Variants in TMCO5A observed in about 807,000 individuals in gnomAD.
The protein encoded by TMCO5A is transmembrane and coiled-coil domains 5A, also known as transmembrane and coiled-coil domain-containing protein 5A.
Under a neutral mutation model 42.3 loss-of-function variants are expected in TMCO5A, and 34 were observed. The ratio of observed to expected loss-of-function variants is 0.80; its 90% CI spans 0.61 to 1.07. The LOEUF (loss-of-function observed/expected upper bound fraction) is 1.07, where lower values mean the gene tolerates loss of function less well. TMCO5A is among the 50% of genes least tolerant of loss of function. The probability of loss-of-function intolerance (pLI) is 0.00; values close to 1 mark genes in which losing one functional copy is unlikely to be tolerated. For missense variants in TMCO5A, 357 were observed against 327.9 expected (o/e 1.09, Z -0.69); for synonymous variants, 131 against 115.6 (o/e 1.13, Z -0.86).
At chr15:37,981,833 A>G in the TMCO5A span, among the ~76,000 whole-genome samples, 1 of 152,196 alleles carries the variant, frequency 6.6e-6, no homozygotes, top group Non-Finnish European at 1.5e-5. Flanking sequence ...CTCCTGATGA[A>G]TATTTACAGA....
the TMCO5A span, among the ~76,000 whole-genome samples, chr15:38,014,546 C>T: frequency 1.3e-5 from 2 of 152,110 alleles, no homozygotes; most frequent in Non-Finnish European, 2.9e-5. Context: ...ACCAATCTCT[C>T]TGTAGCTACT....
chr15:38,003,222 GTCTC>G, the TMCO5A span, among the ~76,000 whole-genome samples: 642 of 144,778 alleles, frequency 4.4e-3, no homozygotes, highest in Non-Finnish European at 4.5e-3. Flanking sequence ...CCCAAACAGA[GTCTC>G]TCTCTCTCTC....
chr15:38,038,550 C>T, the TMCO5A span, among the ~76,000 whole-genome samples: 2 of 151,978 alleles, frequency 1.3e-5, no homozygotes, highest in East Asian at 1.9e-4. Flanking sequence ...GGACTACAGG[C>T]ACCCACCACC....
intron 10 of TMCO5A, among the ~76,000 whole-genome samples, chr15:37,946,268 T>A (rs890877815): frequency 1.3e-5 from 2 of 152,194 alleles, no homozygotes; most frequent in African/African-American, 4.8e-5. Context: ...TACTGTAGCC[T>A]TGTAATATAG....
chr15:37,969,319 C>T (rs80094097), downstream of TMCO5A, among the ~76,000 whole-genome samples: 2,783 of 152,234 alleles, frequency 0.018, 86 homozygotes, highest in African/African-American at 0.064. Context: ...AAATGAGCAA[C>T]TTAGTATATC....
chr15:37,936,069 G>T, intron 2 of TMCO5A: 1 of 314,728 alleles, frequency 3.2e-6, no homozygotes. Flanking sequence ...CAGAGTGAAG[G>T]TGCACTGTTA....
intron 11 of TMCO5A, among the ~76,000 whole-genome samples, chr15:37,964,982 C>T (rs984544912): frequency 2.6e-5 from 4 of 152,072 alleles, no homozygotes; most frequent in Non-Finnish European, 4.4e-5. Context: ...AAGAATAAAA[C>T]AGGAGGAATC....
the TMCO5A span, among the ~76,000 whole-genome samples, chr15:38,021,233 T>C: frequency 5.9e-5 from 9 of 152,330 alleles, no homozygotes; most frequent in South Asian, 8.3e-4. Flanking sequence ...TTGCAGATGA[T>C]ATGATCATCC....
chr15:38,013,231 G>A, the TMCO5A span, among the ~76,000 whole-genome samples: 1 of 152,152 alleles, frequency 6.6e-6, no homozygotes, highest in Non-Finnish European at 1.5e-5. Flanking sequence ...TTTCCAGGAA[G>A]CTGCCTGTGG....
At chr15:37,994,320 G>A in the TMCO5A span, among the ~76,000 whole-genome samples, 1 of 152,142 alleles carries the variant, frequency 6.6e-6, no homozygotes, top group Admixed American at 6.5e-5. Context: ...CCGGCTAAGA[G>A]AGTCAGGAAC....
the TMCO5A span, among the ~76,000 whole-genome samples, chr15:38,003,025 G>A: frequency 1.3e-5 from 2 of 152,176 alleles, no homozygotes; most frequent in African/African-American, 4.8e-5. Flanking sequence ...CCTTTTCAAA[G>A]AGATTTGGGC....
At chr15:38,033,310 C>T in the TMCO5A span, among the ~76,000 whole-genome samples, 2,717 of 152,192 alleles carry the variant, frequency 0.018, 65 homozygotes, top group African/African-American at 0.061. Context: ...AAAATTAAAG[C>T]GTTAGAACCA....
the TMCO5A span, among the ~76,000 whole-genome samples, chr15:38,007,862 C>T: frequency 1.6e-5 from 2 of 124,624 alleles, no homozygotes; most frequent in South Asian, 2.7e-4. Flanking sequence ...AGGGTGTAAA[C>T]TCACCCACAC....
the TMCO5A span, among the ~76,000 whole-genome samples, chr15:38,007,327 T>C: frequency 6.6e-6 from 1 of 152,220 alleles, no homozygotes; most frequent in Non-Finnish European, 1.5e-5. Flanking sequence ...CTTGAGGTTT[T>C]TGCAAAGGAT....
chr15:37,987,983 C>G, the TMCO5A span, among the ~76,000 whole-genome samples: 2 of 152,030 alleles, frequency 1.3e-5, no homozygotes, highest in East Asian at 3.9e-4. Context: ...TTAAGTCTCC[C>G]AATCCATGAA....
At chr15:37,977,775 A>G in the TMCO5A span, among the ~76,000 whole-genome samples, 1 of 152,088 alleles carries the variant, frequency 6.6e-6, no homozygotes, top group South Asian at 2.1e-4. Context: ...GGCAATGGCA[A>G]AAGGTCTTTC....
chr15:37,974,870 G>C, the TMCO5A span, among the ~76,000 whole-genome samples: 3 of 151,932 alleles, frequency 2.0e-5, no homozygotes, highest in African/African-American at 4.8e-5. Flanking sequence ...ATTTGATGTG[G>C]GCATTTAATG....
the TMCO5A span, among the ~76,000 whole-genome samples, chr15:38,020,690 G>GT: frequency 1.3e-5 from 2 of 152,012 alleles, no homozygotes; most frequent in African/African-American, 4.8e-5. Flanking sequence ...ATTTATATGT[G>GT]TATCAAAGCA....
Position 37,941,711 on chromosome 15 carries a change from A to G in TMCO5A, c.485A>G (p.Asp162Gly). The change falls in exon 8 of 12, where the codon GAT becomes GGT. Residue 162 changes from aspartate to glycine, a missense_variant. Coordinates refer to ENST00000319669, the MANE Select transcript of TMCO5A (RefSeq NM_152453.4). Reference sequence around the variant, plus strand: ...GCATTTGTGACCCAGCTCTGTGAAGATCAAGCCCTCTACATAAAGGTAGAG... The same window carrying G: ...GCATTTGTGACCCAGCTCTGTGAAGGTCAAGCCCTCTACATAAAGGTAGAG... ...EYAFVTQLCEDQALYIKKYQE... is the reference protein window; with the variant it reads ...EYAFVTQLCEGQALYIKKYQE... 1 of 1,611,886 alleles carries G rather than the reference A, an allele frequency of 6.2e-7. No individual in the cohort carries two copies. Among genetic ancestry groups the G allele is most frequent in the Non-Finnish European group, 8.5e-7 (1 of 1,178,360 alleles).
Sources: gnomAD v4.1 joint callset for allele counts (sites outside exome capture counted in the v4.1 genomes callset) on GRCh38, gnomAD v4.1.1 for gene constraint, MANE v1.5 for transcripts, NCBI Gene and HGNC (gene_info 2026-07-23, HGNC 2026-07-21) for gene names.